RNF212: variants seen among roughly 807,000 people sequenced by gnomAD.
RNF212 encodes probable E3 SUMO-protein ligase RNF212.
A neutral mutation model predicts 34.7 loss-of-function variants in RNF212; 33 were observed. The ratio of observed to expected loss-of-function variants is 0.95; its 90% confidence interval spans 0.72 to 1.27. The LOEUF (loss-of-function observed/expected upper bound fraction) is 1.27, where lower values mean the gene tolerates loss of function less well. Ranked by LOEUF, RNF212 falls within the 50% of genes most tolerant of loss-of-function variation. RNF212 has a pLI of 0.00. For missense variants in RNF212, 377 were observed against 362.2 expected (o/e 1.04, Z -0.33); for synonymous variants, 140 against 136.1 (o/e 1.03, Z -0.20).
chr4:1,089,194 C>T (rs1156513765), intron 4 of RNF212, among the ~76,000 whole-genome samples: 1 of 152,226 alleles, frequency 6.6e-6, no homozygotes, highest in Non-Finnish European at 1.5e-5. Context: ...TGGGGCTGTA[C>T]CCTACAGAGC....
chr4:1,102,307 T>C (rs1236300331), intron 2 of RNF212, among the ~76,000 whole-genome samples: 2 of 152,220 alleles, frequency 1.3e-5, no homozygotes, highest in African/African-American at 4.8e-5. Context: ...GGACCCCAAG[T>C]GTGCTGAAAT....
downstream of RNF212, among the ~76,000 whole-genome samples, chr4:1,070,940 A>C (rs1718435895): frequency 6.6e-6 from 1 of 151,976 alleles, no homozygotes; most frequent in Non-Finnish European, 1.5e-5. Context: ...TTCGAAATAA[A>C]TTATTTTAAA....
intron 8 of RNF212, among the ~76,000 whole-genome samples, chr4:1,073,919 C>G (rs542425135): frequency 6.6e-6 from 1 of 151,698 alleles, no homozygotes; most frequent in South Asian, 2.1e-4. Context: ...AAACAGTGAA[C>G]GGATAAAGGG....
At chr4:1,089,518 C>A (rs1006164742) in intron 4 of RNF212, among the ~76,000 whole-genome samples, 1 of 152,214 alleles carries the variant, frequency 6.6e-6, no homozygotes, top group African/African-American at 2.4e-5. Flanking sequence ...TGAGTTTATG[C>A]GGGAATGAGT....
Position 1,072,668 on chromosome 4 carries a change from C to T in RNF212, c.*206G>A, listed in dbSNP as rs1718633476. Reference sequence around the variant, plus strand: ...ACCTATAAAATAAAAGGGATAATAACAATATATATGAGTACATAAAAATAT... The same window carrying T: ...ACCTATAAAATAAAAGGGATAATAATAATATATATGAGTACATAAAAATAT... On this transcript the variant is annotated 3_prime_UTR_variant, in exon 10 of 10. Transcript: ENST00000433731. The T allele has an allele frequency of 8.4e-7, 1 of 1,195,770 alleles. No individual in the cohort carries two copies. Among genetic ancestry groups the T allele is most frequent in the South Asian group, 2.2e-5 (1 of 44,562 alleles). The allele number at this position is 1,195,770 out of a possible 1,614,324, so 74.1% of individuals were successfully genotyped here.
chr4:1,058,541 C>T (rs1560087114), intron 3 of RNF212: 1 of 175,858 alleles, frequency 5.7e-6, no homozygotes, highest in Non-Finnish European at 1.1e-5. Context: ...GCCACACAGG[C>T]ACGCGGGGTC....
intron 2 of RNF212, chr4:1,099,928 C>T: frequency 2.2e-6 from 1 of 453,896 alleles, no homozygotes; most frequent in Non-Finnish European, 4.4e-6. Context: ...GAAAGGGGCG[C>T]TGCAAAAGAG....
In RNF212 at chr4:1,060,097, C is replaced by CAAAA. The variant is rs1162381231; in HGVS notation, n.148-1708_148-1705dup. On this transcript the variant is annotated intron_variant and non_coding_transcript_variant, in intron 3 of 4. Transcript: ENST00000503206. ...CTGGGCAACAAGAGCGAAACTCCAT[C>CAAAA]AAAAAAAAAAAAAAAAGAAAAAAGA... Among the ~76,000 whole-genome samples the CAAAA allele has an allele frequency of 1.9e-4, 7 of 36,802 alleles. 1 individual carries two copies. The highest frequency in any genetic ancestry group is 2.3e-4 in the African/African-American group (1 of 4,274). The allele number at this position is 36,802 out of a possible 152,430, so 24.1% of individuals were successfully genotyped here. A position where few individuals can be genotyped will look rare whatever the true frequency, so the allele number is the denominator to read the frequency against.
intron 7 of RNF212, among the ~76,000 whole-genome samples, chr4:1,080,648 G>A (rs11724989): frequency 0.19 from 28,138 of 152,002 alleles, 4,224 homozygotes; most frequent in African/African-American, 0.42. Flanking sequence ...CCTGGATGAC[G>A]CCCTGAGCCC....
intron 3 of RNF212, among the ~76,000 whole-genome samples, chr4:1,095,467 G>T (rs571061609): frequency 2.2e-5 from 1 of 45,092 alleles, no homozygotes; most frequent in South Asian, 9.4e-4. Context: ...ACAGCTCCAC[G>T]GTCTCGGGAT....
At chr4:1,076,789 C>T (rs897891628) in intron 8 of RNF212, among the ~76,000 whole-genome samples, 2 of 152,234 alleles carry the variant, frequency 1.3e-5, no homozygotes, top group African/African-American at 4.8e-5. Flanking sequence ...CTATGGCCTG[C>T]AGCCTGTTTT....
chr4:1,092,158 A>G (rs1722283198), intron 3 of RNF212, among the ~76,000 whole-genome samples: 1 of 152,266 alleles, frequency 6.6e-6, no homozygotes, highest in East Asian at 1.9e-4. Flanking sequence ...TCAGCTTCAC[A>G]TGTTCGTGGA....
At chr4:1,062,469 G>A (rs1231997867) in intron 3 of RNF212, among the ~76,000 whole-genome samples, 1 of 152,096 alleles carries the variant, frequency 6.6e-6, no homozygotes, top group East Asian at 1.9e-4. Flanking sequence ...CCTTCTTCAT[G>A]ACAAAAAAGG....
intron 8 of RNF212, among the ~76,000 whole-genome samples, chr4:1,075,754 C>A (rs989540643): frequency 1.3e-5 from 2 of 152,202 alleles, no homozygotes; most frequent in South Asian, 2.1e-4. Context: ...CACCTCACTG[C>A]AGCCTCAACC....
Position 1,102,808 on chromosome 4 carries a change from C to T in RNF212, c.171+5535G>A, listed in dbSNP as rs553181067. Among the ~76,000 whole-genome samples, 167 of 151,926 alleles carry T rather than the reference C, an allele frequency of 1.1e-3. 1 individual carries two copies. Among genetic ancestry groups the T allele is most frequent in the African/African-American group, 3.6e-3 (151 of 41,430 alleles). ...TGGAGCTTGCAGTGAGCCAAGACTG[C>T]GCCACTGCACTCCAGCCTAGGCAAC... On this transcript the variant is annotated intron_variant, in intron 2 of 9. Coordinates refer to ENST00000433731, the MANE Select transcript of RNF212 (RefSeq NM_001131034.4).
At chr4:1,063,105 G>A (rs1233888737) in intron 3 of RNF212, among the ~76,000 whole-genome samples, 1 of 152,202 alleles carries the variant, frequency 6.6e-6, no homozygotes, top group Non-Finnish European at 1.5e-5. Flanking sequence ...GGAAGATGCA[G>A]TGTTAGTATT....
At chr4:1,063,716 AAAG>A (rs1228194138) in intron 3 of RNF212, among the ~76,000 whole-genome samples, 2 of 151,306 alleles carry the variant, frequency 1.3e-5, no homozygotes, top group Non-Finnish European at 2.9e-5. Flanking sequence ...AAAAAAGAAA[AAAG>A]AAAAATTAGC....
At chr4:1,097,401 G>A (rs980250978) in intron 2 of RNF212, among the ~76,000 whole-genome samples, 6 of 151,486 alleles carry the variant, frequency 4.0e-5, no homozygotes, top group Non-Finnish European at 5.9e-5. Context: ...TCAGGAGATC[G>A]AGACCATCCT....
chr4:1,104,210 C>T (rs998479644), intron 2 of RNF212, among the ~76,000 whole-genome samples: 4 of 152,254 alleles, frequency 2.6e-5, no homozygotes, highest in African/African-American at 9.6e-5. Flanking sequence ...CAACAGGATT[C>T]TGTGTCTGTG....
Sources: gnomAD v4.1 joint callset for allele counts (sites outside exome capture counted in the v4.1 genomes callset) on GRCh38, gnomAD v4.1.1 for gene constraint, MANE v1.5 for transcripts, NCBI Gene and HGNC (gene_info 2026-07-23, HGNC 2026-07-21) for gene names.